Variants in TIAM2 observed in about 807,000 individuals in gnomAD.
The protein encoded by TIAM2 is rho guanine nucleotide exchange factor TIAM2.
Under a neutral mutation model 152.9 loss-of-function variants are expected in TIAM2, and 80 were observed. The observed-to-expected ratio is 0.52, with a 90% confidence interval of 0.44 to 0.63. The LOEUF (loss-of-function observed/expected upper bound fraction) is 0.63. Among genes scored for constraint, TIAM2 ranks in the 30% least tolerant of loss-of-function variants. The pLI is 0.00. For missense variants in TIAM2, 1,965 were observed against 2,120.1 expected (o/e 0.93, Z 1.44); for synonymous variants, 804 against 838.0 (o/e 0.96, Z 0.70).
intron 15 of TIAM2, among the ~76,000 whole-genome samples, chr6:155,231,022 A>C (rs1473641645): frequency 6.8e-6 from 1 of 146,738 alleles, no homozygotes; most frequent in Non-Finnish European, 1.5e-5. Context: ...TTGTATTTTT[A>C]GTAGAGATGG....
At chr6:155,139,685 A>G (rs1253208050) in intron 5 of TIAM2, among the ~76,000 whole-genome samples, 1 of 152,172 alleles carries the variant, frequency 6.6e-6, no homozygotes, top group Non-Finnish European at 1.5e-5. Flanking sequence ...CACACCTGTA[A>G]TCCCAGCACT....
At position 155,130,116 on chromosome 6, in the gene TIAM2, C is replaced by T. The variant is rs771110749; in HGVS notation, c.893C>T (p.Ser298Phe). 1.9e-6 allele frequency: 3 copies of T among 1,614,192 alleles called. No homozygotes were observed. Among genetic ancestry groups the T allele is most frequent in the South Asian group, 2.2e-5 (2 of 91,088 alleles). Residue 298 changes from serine (S) to phenylalanine (F), a missense_variant, in exon 4 of 27, where the codon TCC becomes TTC. Ser to Phe is a radical substitution (Grantham distance 155). Transcript: ENST00000682666. ...TTCAACCAAAGCTCTTCCCTCTCCT[C>T]CCTCCGGGAACTGTACAAAGATGCC... ...KPFNQSSSLS[S>F]LRELYKDANL...
chr6:155,218,065 T>TG lies in TIAM2; in HGVS notation c.3168+6760dup, dbSNP rs202029365. 7.6e-3 allele frequency among the ~76,000 whole-genome samples: 1,161 copies of TG among 152,358 alleles called. 23 individuals carry two copies. The highest frequency in any genetic ancestry group is 0.027 in the African/African-American group (1,118 of 41,566). ...CATTCTTGGAGTTTTCGTCTTCCTT[T>TG]GGTGTATACTTGCCTGCATTATTGC... is the stretch of plus-strand genomic sequence containing the variant. On this transcript the variant is annotated intron_variant, in intron 15 of 26. Coordinates refer to ENST00000682666, the MANE Select transcript of TIAM2 (RefSeq NM_012454.4). The surrounding 1 kb of genome is among the most constrained non-coding windows in gnomAD (Gnocchi z 4.5).
chr6:155,059,741 C>T (rs1777534863), intron 1 of TIAM2, among the ~76,000 whole-genome samples: 1 of 152,198 alleles, frequency 6.6e-6, no homozygotes, highest in Non-Finnish European at 1.5e-5. Flanking sequence ...CGACTTACTA[C>T]TGGTGACATT....
At chr6:155,014,636 T>C (rs927601673) in intron 1 of TIAM2, among the ~76,000 whole-genome samples, 2 of 152,228 alleles carry the variant, frequency 1.3e-5, no homozygotes, top group African/African-American at 4.8e-5. Context: ...TTTTTGGTCT[T>C]TTTGTGAGTA....
intron 1 of TIAM2, among the ~76,000 whole-genome samples, chr6:155,084,762 A>G (rs920853243): frequency 1.3e-5 from 2 of 152,190 alleles, no homozygotes; most frequent in Admixed American, 1.3e-4. Context: ...CATGAATGGC[A>G]GCTTCTCTCC....
At chr6:155,071,828 G>A (rs1777845112) in intron 1 of TIAM2, among the ~76,000 whole-genome samples, 1 of 151,526 alleles carries the variant, frequency 6.6e-6, no homozygotes, top group Non-Finnish European at 1.5e-5. Context: ...CCTGGGAGGT[G>A]GAGGTTACAG....
At chr6:155,244,843 C>T (rs1783226339) in intron 18 of TIAM2, 60 bp downstream of exon 18, 2 of 1,513,582 alleles carry the variant, frequency 1.3e-6, no homozygotes, top group Non-Finnish European at 1.8e-6. Flanking sequence ...GTATTTCTCT[C>T]ATGAGAATTC....
At chr6:155,044,498 T>A (rs1777117503) in intron 1 of TIAM2, among the ~76,000 whole-genome samples, 1 of 150,684 alleles carries the variant, frequency 6.6e-6, no homozygotes, top group Non-Finnish European at 1.5e-5. Context: ...CTCTTCCTAT[T>A]ATTGTCTTAG....
intron 1 of TIAM2, among the ~76,000 whole-genome samples, chr6:155,049,304 C>T (rs1366750661): frequency 1.3e-5 from 2 of 152,160 alleles, no homozygotes; most frequent in East Asian, 1.9e-4. Context: ...GAGGGTTCGA[C>T]GGTTAATGGC....
chr6:155,051,887 G>A (rs1049872218), intron 1 of TIAM2, among the ~76,000 whole-genome samples: 4 of 152,112 alleles, frequency 2.6e-5, no homozygotes, highest in South Asian at 2.1e-4. Flanking sequence ...CTATCTGCCC[G>A]TCTAGGCCTC....
At chr6:155,231,965 C>A (rs1457500076) in intron 15 of TIAM2, among the ~76,000 whole-genome samples, 1 of 152,100 alleles carries the variant, frequency 6.6e-6, no homozygotes, top group Non-Finnish European at 1.5e-5. Context: ...CCTGTAATCC[C>A]AGCTACGTGG....
chr6:155,163,388 G>C (rs1780326204), intron 7 of TIAM2, among the ~76,000 whole-genome samples: 1 of 152,196 alleles, frequency 6.6e-6, no homozygotes, highest in Admixed American at 6.5e-5. Flanking sequence ...ACTTATCTTT[G>C]CATGAAGGTA....
At position 155,254,446 on chromosome 6, in the gene TIAM2, T is replaced by G. The variant is rs1209688247; in HGVS notation, c.4341T>G (p.Val1447=). The part of the protein sequence containing the change: ...CSDSESKTNI[V]KVIRSILREN... ...ACAGTGAAAGCAAAACCAACATTGT[T>G]AAGGTGATTCGTTCTATTCTGAGGG... The change falls in exon 26 of 27, where the codon GTT becomes GTG. Residue 1447 remains valine, a synonymous_variant. Transcript: ENST00000682666. 3 of 1,613,714 alleles carry G rather than the reference T, an allele frequency of 1.9e-6. No homozygotes were observed. Among genetic ancestry groups the G allele is most frequent in the African/African-American group, 2.7e-5 (2 of 74,888 alleles).
intron 1 of TIAM2, among the ~76,000 whole-genome samples, chr6:155,085,408 C>T (rs1473353306): frequency 6.6e-6 from 1 of 152,092 alleles, no homozygotes; most frequent in African/African-American, 2.4e-5. Context: ...TTCTCATTGA[C>T]CTGCATTGAC....
intron 23 of TIAM2, among the ~76,000 whole-genome samples, chr6:155,252,478 AAAT>A (rs1783724248): frequency 6.6e-6 from 1 of 152,208 alleles, no homozygotes; most frequent in Non-Finnish European, 1.5e-5. Flanking sequence ...ATAAATACAT[AAAT>A]AAGTAAATAA....
intron 14 of TIAM2, among the ~76,000 whole-genome samples, chr6:155,200,585 A>G (rs1781452516): frequency 6.6e-6 from 1 of 152,160 alleles, no homozygotes. Context: ...TATTCCCTCA[A>G]AAAAGAAACC....
intron 2 of TIAM2, among the ~76,000 whole-genome samples, chr6:155,097,323 C>A (rs116231767): frequency 0.012 from 1,807 of 152,080 alleles, 31 homozygotes; most frequent in African/African-American, 0.042. Flanking sequence ...GTTGATTGTT[C>A]CCTTTTCTGT....
Position 155,257,693 on chromosome 6 carries a change from A to G in TIAM2, c.*572A>G. The stretch of plus-strand genomic sequence containing the variant: ...TTTGATGATATTTATTTTCTCTGCC[A>G]AGCTGTATAGTAAAAGGAAAATAAG... On this transcript the variant is annotated 3_prime_UTR_variant, in exon 27 of 27. Transcript: ENST00000682666. The G allele has an allele frequency of 5.4e-6, 5 of 919,322 alleles. No homozygotes were observed. Among genetic ancestry groups the G allele is most frequent in the Non-Finnish European group, 6.7e-6 (4 of 596,276 alleles). The allele number at this position is 919,322 out of a possible 1,614,324, so 56.9% of individuals were successfully genotyped here.
Sources: allele counts gnomAD v4.1 joint callset (sites outside exome capture counted in the v4.1 genomes callset), GRCh38; gene constraint gnomAD v4.1.1; non-coding constraint Gnocchi (gnomAD v3.1); transcripts MANE v1.5; gene names NCBI Gene and HGNC (gene_info 2026-07-23, HGNC 2026-07-21).